Variants in SKAP1 observed in about 807,000 individuals in gnomAD.
SKAP1 encodes src kinase associated phosphoprotein 1.
SKAP1 carries 44 observed loss-of-function variants against 58.5 expected under a neutral mutation model. That is an observed-to-expected ratio of 0.75 (90% CI 0.59 to 0.97). The LOEUF is 0.97. Among genes scored for constraint, SKAP1 ranks in the 50% least tolerant of loss-of-function variants. The pLI, the probability that SKAP1 is intolerant of heterozygous loss-of-function variation, is 0.00. For missense variants in SKAP1, 390 were observed against 435.2 expected (o/e 0.90, Z 0.92); for synonymous variants, 127 against 149.7 (o/e 0.85, Z 1.11).
At chr17:48,345,153 G>A (rs2066706206) in intron 4 of SKAP1, among the ~76,000 whole-genome samples, 1 of 152,200 alleles carries the variant, frequency 6.6e-6, no homozygotes, top group South Asian at 2.1e-4. Context: ...AGGCACAGCG[G>A]ATCCCCACAC....
rs190155902 is a variant in SKAP1 at position 48,299,030 on chromosome 17, C to T, written c.280+46875G>A. ...TCAGGGACATTGCATAAGGAACATT[C>T]GTATTTATAATTTATAAAGCACCTT... On this transcript the variant is annotated intron_variant, in intron 4 of 12. Coordinates refer to ENST00000336915, the MANE Select transcript of SKAP1 (RefSeq NM_003726.4). Among the ~76,000 whole-genome samples the T allele has an allele frequency of 1.9e-3, 282 of 152,220 alleles. 7 individuals carry two copies. The South Asian group carries it at 0.056, about 30-fold the overall frequency.
chr17:48,135,290 C>T (rs2063684792), intron 12 of SKAP1, among the ~76,000 whole-genome samples: 1 of 152,134 alleles, frequency 6.6e-6, no homozygotes, highest in South Asian at 2.1e-4. Context: ...GTGAAGACTG[C>T]TCCTATTTCA....
At chr17:48,439,811 C>G in the SKAP1 span, among the ~76,000 whole-genome samples, 1 of 152,136 alleles carries the variant, frequency 6.6e-6, no homozygotes, top group Admixed American at 6.6e-5. Context: ...AAATGAGATG[C>G]ACTAAACATG....
At chr17:48,205,033 T>C (rs58590710) in intron 4 of SKAP1, among the ~76,000 whole-genome samples, 11 of 43,928 alleles carry the variant, frequency 2.5e-4, no homozygotes, top group Admixed American at 1.1e-3. Flanking sequence ...CTTTCTTTCT[T>C]TCTTTCTCTC....
At chr17:48,217,476 A>C (rs1283476032) in intron 4 of SKAP1, among the ~76,000 whole-genome samples, 2 of 152,096 alleles carry the variant, frequency 1.3e-5, no homozygotes, top group Non-Finnish European at 2.9e-5. Flanking sequence ...GCAAAACCCC[A>C]TTTCTACAAA....
At chr17:48,406,388 T>C (rs577585985) in intron 1 of SKAP1, among the ~76,000 whole-genome samples, 12 of 152,074 alleles carry the variant, frequency 7.9e-5, no homozygotes, top group Admixed American at 2.6e-4. Flanking sequence ...TCTTAAAAAT[T>C]TAAAATTAGA....
chr17:48,256,268 C>T (rs1485586670), intron 4 of SKAP1, among the ~76,000 whole-genome samples: 1 of 151,830 alleles, frequency 6.6e-6, no homozygotes, highest in Non-Finnish European at 1.5e-5. Context: ...TCAAGTAAAT[C>T]AATCCCATGT....
chr17:48,400,960 T>A (rs1290865722), intron 1 of SKAP1, among the ~76,000 whole-genome samples: 1 of 150,618 alleles, frequency 6.6e-6, no homozygotes, highest in East Asian at 2.0e-4. Flanking sequence ...AAGCTAATCC[T>A]AAAATTAACT....
At chr17:48,433,757 A>T (rs1266081061), upstream of SKAP1, among the ~76,000 whole-genome samples, 1 of 152,226 alleles carries the variant, frequency 6.6e-6, no homozygotes. Flanking sequence ...CGCCTTGTCC[A>T]CCGGGACCCT....
intron 4 of SKAP1, among the ~76,000 whole-genome samples, chr17:48,219,789 C>A (rs1452665): frequency 3.3e-5 from 5 of 152,002 alleles, no homozygotes; most frequent in Non-Finnish European, 5.9e-5. Flanking sequence ...TGGCTGCACA[C>A]GGTGTCTCCC....
intron 4 of SKAP1, among the ~76,000 whole-genome samples, chr17:48,321,545 T>C (rs2144224449): frequency 6.6e-6 from 1 of 151,936 alleles, no homozygotes; most frequent in South Asian, 2.1e-4. Flanking sequence ...GCCCGGCTAA[T>C]TTTTTTGTAT....
At chr17:48,402,602 T>A (rs35048726) in intron 1 of SKAP1, among the ~76,000 whole-genome samples, 4,473 of 152,272 alleles carry the variant, frequency 0.029, 244 homozygotes, top group African/African-American at 0.1. Context: ...ATTGCTGGGA[T>A]TACAGGCGTG....
intron 4 of SKAP1, among the ~76,000 whole-genome samples, chr17:48,257,251 G>C (rs889422825): frequency 6.6e-6 from 1 of 151,872 alleles, no homozygotes; most frequent in South Asian, 2.1e-4. Flanking sequence ...CTGACTTACT[G>C]TTCTCCATTT....
At chr17:48,432,433 A>AAAAG (rs371050629), upstream of SKAP1, among the ~76,000 whole-genome samples, 8 of 151,498 alleles carry the variant, frequency 5.3e-5, no homozygotes, top group Non-Finnish European at 7.4e-5. Flanking sequence ...CATCTCAAAA[A>AAAAG]AAAGAAAGAA....
chr17:48,407,813 C>T (rs780872520), intron 1 of SKAP1, among the ~76,000 whole-genome samples: 8 of 150,692 alleles, frequency 5.3e-5, no homozygotes, highest in Non-Finnish European at 1.0e-4. Context: ...GAGATCATGC[C>T]ACTGCATTCC....
At chr17:48,293,331 G>A (rs1421322251) in intron 4 of SKAP1, among the ~76,000 whole-genome samples, 1 of 152,112 alleles carries the variant, frequency 6.6e-6, no homozygotes, top group Non-Finnish European at 1.5e-5. Context: ...GTGGTCTTCA[G>A]AACTATGTGT....
In SKAP1 at chr17:48,153,003, A is replaced by G. The variant is rs866077477; in HGVS notation, c.978+9466T>C. ...ATTATCTGGTCTGGAATTTTCCCCA[A>G]CTGAAAACTGTGTGCACATGGACAC... On this transcript the variant is annotated intron_variant, in intron 11 of 12. Transcript: ENST00000336915. Among the ~76,000 whole-genome samples the G allele has an allele frequency of 1.6e-4, 23 of 145,530 alleles. No individual in the cohort carries two copies. The South Asian group carries it at 3.8e-3, about 24-fold the overall frequency.
At chr17:48,381,442 T>C (rs978001825) in intron 2 of SKAP1, among the ~76,000 whole-genome samples, 2 of 152,184 alleles carry the variant, frequency 1.3e-5, no homozygotes, top group African/African-American at 2.4e-5. Context: ...ACCAAAAACC[T>C]ATCCCATTCA....
At chr17:48,443,473 T>A in the SKAP1 span, among the ~76,000 whole-genome samples, 4 of 151,744 alleles carry the variant, frequency 2.6e-5, no homozygotes, top group African/African-American at 4.8e-5. Flanking sequence ...TTTGTTTGTT[T>A]GTTTGTTTGT....
Sources: gnomAD v4.1 joint callset for allele counts (sites outside exome capture counted in the v4.1 genomes callset) on GRCh38, gnomAD v4.1.1 for gene constraint, MANE v1.5 for transcripts, NCBI Gene and HGNC (gene_info 2026-07-23, HGNC 2026-07-21) for gene names.